The following PCDHGA12 variants were observed in gnomAD, a reference collection of about 807,000 sequenced individuals.
PCDHGA12 encodes protocadherin gamma subfamily A, 12.
In PCDHGA12, 43 loss-of-function variants were observed where a neutral mutation model predicts 61.1. The observed-to-expected ratio is 0.70, with a 90% CI of 0.55 to 0.91. The LOEUF is 0.91. Ranked by LOEUF, PCDHGA12 falls within the 40% of genes least tolerant of loss-of-function variation. The pLI is 0.00. For synonymous variants in PCDHGA12, 520 were observed against 542.9 expected (o/e 0.96, Z 0.59); for missense variants, 1,236 against 1,227.7 (o/e 1.01, Z -0.10).
chr5:141,469,880 C>T (rs774827232), intron 1 of PCDHGA12, among the ~76,000 whole-genome samples: 7 of 152,210 alleles, frequency 4.6e-5, no homozygotes, highest in East Asian at 1.9e-4. Flanking sequence ...CCTGTAATCT[C>T]GGCACTTTGG....
Position 141,431,474 on chromosome 5 carries a change from G to C in PCDHGA12, c.715G>C (p.Ala239Pro). Residue 239 changes from alanine (A) to proline (P), a missense_variant, in exon 1 of 4, where the codon GCA becomes CCA. Coordinates refer to ENST00000252085, the MANE Select transcript of PCDHGA12 (RefSeq NM_003735.3). The surrounding 1 kb of genome is among the most constrained non-coding windows in gnomAD (Gnocchi z 4.8). The stretch of plus-strand genomic sequence containing the variant: ...GATGGTTCTGGATGCGAACGACAAC[G>C]CACCAGCGTTTGCTCAGCCCGAGTA... Reference protein sequence around the residue: ...RVMVLDANDNAPAFAQPEYRA... With the variant: ...RVMVLDANDNPPAFAQPEYRA... 6.2e-7 allele frequency: 1 copy of C among 1,613,842 alleles called. No individual in the cohort carries two copies. The highest frequency in any genetic ancestry group is 8.5e-7 in the Non-Finnish European group (1 of 1,179,958).
chr5:141,452,015 C>T (rs2098730990), intron 1 of PCDHGA12, among the ~76,000 whole-genome samples: 1 of 152,306 alleles, frequency 6.6e-6, no homozygotes, highest in African/African-American at 2.4e-5. Context: ...GTCCAGCCCA[C>T]ACTCTGGGGA....
At chr5:141,463,738 G>A (rs1002263384) in intron 1 of PCDHGA12, among the ~76,000 whole-genome samples, 4 of 151,978 alleles carry the variant, frequency 2.6e-5, no homozygotes, top group Admixed American at 2.6e-4. Flanking sequence ...GAGCCACCGC[G>A]CCCGGCCTGC....
intron 1 of PCDHGA12, among the ~76,000 whole-genome samples, chr5:141,452,476 C>T (rs968627914): frequency 6.6e-6 from 1 of 152,216 alleles, no homozygotes; most frequent in Admixed American, 6.5e-5. Context: ...AGGAAAAACA[C>T]ACATAAACAC....
intron 1 of PCDHGA12, among the ~76,000 whole-genome samples, chr5:141,461,886 C>T (rs944110458): frequency 3.3e-5 from 5 of 151,972 alleles, no homozygotes; most frequent in South Asian, 2.1e-4. Context: ...TGCAATGGCA[C>T]GATCTCGGCT....
At chr5:141,445,257 A>G (rs1253126709) in intron 1 of PCDHGA12, among the ~76,000 whole-genome samples, 3 of 152,152 alleles carry the variant, frequency 2.0e-5, no homozygotes, top group African/African-American at 2.4e-5. Context: ...GTGTGAGAAT[A>G]TAAGTCGAAA....
At chr5:141,499,423 GA>G (rs1229901490) in intron 2 of PCDHGA12, among the ~76,000 whole-genome samples, 3 of 151,756 alleles carry the variant, frequency 2.0e-5, no homozygotes, top group Non-Finnish European at 2.9e-5. Flanking sequence ...ATGAAAAATA[GA>G]AAAAAAATTA....
chr5:141,474,981 G>A (rs1336399018), intron 1 of PCDHGA12, among the ~76,000 whole-genome samples: 1 of 152,126 alleles, frequency 6.6e-6, no homozygotes, highest in African/African-American at 2.4e-5. Context: ...ATTTTGTTTG[G>A]TGACAACAAT....
At chr5:141,475,217 A>G (rs1053906682) in intron 1 of PCDHGA12, among the ~76,000 whole-genome samples, 4 of 152,196 alleles carry the variant, frequency 2.6e-5, no homozygotes, top group Non-Finnish European at 5.9e-5. Flanking sequence ...AGGATTGATC[A>G]AGTAAAGGGA....
rs1561964279 is a variant in PCDHGA12 at position 141,456,201 on chromosome 5, A to G, written c.2424+23018A>G. 2.0e-5 allele frequency among the ~76,000 whole-genome samples: 3 copies of G among 152,228 alleles called. No homozygotes were observed. The South Asian group carries it at 6.2e-4, about 32-fold the overall frequency. On this transcript the variant is annotated intron_variant, in intron 1 of 3. Coordinates refer to ENST00000252085, the MANE Select transcript of PCDHGA12 (RefSeq NM_003735.3). ...ATAATTTCTTAATAACTCCTACCAC[A>G]TTCCTCCCTGTGGCGATATCAAACT...
At chr5:141,488,189 T>G (rs574621860) in intron 1 of PCDHGA12, among the ~76,000 whole-genome samples, 2 of 152,316 alleles carry the variant, frequency 1.3e-5, no homozygotes, top group Non-Finnish European at 2.9e-5. Context: ...TCTTTTGGTC[T>G]GGGTCTTAGG....
intron 1 of PCDHGA12, chr5:141,441,621 G>T: frequency 4.5e-6 from 1 of 223,408 alleles, no homozygotes; most frequent in South Asian, 5.2e-5. Context: ...CGTGGCCAGT[G>T]ACCTGGAGCC....
chr5:141,474,210 A>G (rs1054533367), intron 1 of PCDHGA12, among the ~76,000 whole-genome samples: 3 of 152,230 alleles, frequency 2.0e-5, no homozygotes, highest in Non-Finnish European at 4.4e-5. Context: ...ATTTTCAAAA[A>G]CCAGATTGTG....
intron 1 of PCDHGA12, among the ~76,000 whole-genome samples, chr5:141,455,749 C>A (rs2098830563): frequency 6.6e-6 from 1 of 152,086 alleles, no homozygotes; most frequent in Non-Finnish European, 1.5e-5. Context: ...AGGTTGCTGG[C>A]CTGGCTCCTA....
Position 141,477,029 on chromosome 5 carries a change from A to G in PCDHGA12, c.2425-17778A>G. 6.2e-7 allele frequency: 1 copy of G among 1,614,238 alleles called. No homozygotes were observed. The highest frequency in any genetic ancestry group is 8.5e-7 in the Non-Finnish European group (1 of 1,180,040). ...CTTAGACCTTGTAACCGGGATGCTG[A>G]CAATCAAGGGTCGGCTGGACTTCGA... On this transcript the variant is annotated intron_variant, in intron 1 of 3. Coordinates refer to ENST00000252085, the MANE Select transcript of PCDHGA12 (RefSeq NM_003735.3). The surrounding 1 kb of genome is among the most constrained non-coding windows in gnomAD (Gnocchi z 4.9).
chr5:141,503,343 T>C (rs558650835), intron 2 of PCDHGA12, among the ~76,000 whole-genome samples: 87 of 152,106 alleles, frequency 5.7e-4, no homozygotes, highest in South Asian at 1.2e-3. Flanking sequence ...ACGCCTGTAA[T>C]TCCAGCACTT....
At chr5:141,445,471 T>A (rs533909401) in intron 1 of PCDHGA12, among the ~76,000 whole-genome samples, 17 of 152,204 alleles carry the variant, frequency 1.1e-4, no homozygotes, top group Non-Finnish European at 2.4e-4. Context: ...AAGGCATATA[T>A]GATTCCTGAG....
chr5:141,471,047 T>C (rs1270779800), intron 1 of PCDHGA12, among the ~76,000 whole-genome samples: 3 of 63,666 alleles, frequency 4.7e-5, no homozygotes. Flanking sequence ...CCAAGCCCTC[T>C]TTTTTTTTTT....
chr5:141,501,447 A>G (rs1483189279), intron 2 of PCDHGA12, among the ~76,000 whole-genome samples: 1 of 151,816 alleles, frequency 6.6e-6, no homozygotes, highest in Middle Eastern at 3.2e-3. Flanking sequence ...TTCCATTTTT[A>G]CTTTTCACTA....
Sources: gnomAD v4.1 joint callset for allele counts (sites outside exome capture counted in the v4.1 genomes callset) on GRCh38, gnomAD v4.1.1 for gene constraint, Gnocchi (gnomAD v3.1) non-coding constraint, MANE v1.5 for transcripts, NCBI Gene and HGNC (gene_info 2026-07-23, HGNC 2026-07-21) for gene names.